The following ACTR6 variants were observed in gnomAD, a reference collection of about 807,000 sequenced individuals.
ACTR6 encodes actin related protein 6, also known as actin-related protein 6.
A neutral mutation model predicts 52.5 loss-of-function variants in ACTR6; 50 were observed. The ratio of observed to expected loss-of-function variants is 0.95; its 90% confidence interval spans 0.76 to 1.20. ACTR6 has a LOEUF of 1.20. ACTR6 is among the 50% of genes most tolerant of loss of function. The pLI is 0.00. For missense variants in ACTR6, 344 were observed against 472.4 expected (o/e 0.73, Z 2.52); for synonymous variants, 135 against 147.2 (o/e 0.92, Z 0.60).
intron 1 of ACTR6, chr12:100,204,310 A>G (rs1035706418): frequency 2.0e-5 from 3 of 152,266 alleles, no homozygotes; most frequent in Non-Finnish European, 4.4e-5. Context: ...AGATAGGAAT[A>G]TAGATGCTCA....
intron 1 of ACTR6, among the ~76,000 whole-genome samples, chr12:100,201,827 T>C (rs1400276990): frequency 6.6e-6 from 1 of 152,212 alleles, no homozygotes. Flanking sequence ...TTCATCATGT[T>C]GGCCAGGCCG....
In ACTR6 at chr12:100,224,097, G is replaced by C; in HGVS notation, c.*182G>C. On this transcript the variant is annotated 3_prime_UTR_variant, in exon 11 of 11. Transcript: ENST00000188312. Reference sequence around the variant, plus strand: ...GGTTACTACAGTAAACTGTAACTCAGTCCACATTTTCATTTAGGAGCTAGA... The same window carrying C: ...GGTTACTACAGTAAACTGTAACTCACTCCACATTTTCATTTAGGAGCTAGA... The C allele has an allele frequency of 2.0e-6, 1 of 509,874 alleles. No individual in the cohort carries two copies. Among genetic ancestry groups the C allele is most frequent in the African/African-American group, 2.0e-5 (1 of 49,510 alleles). The allele number at this position is 509,874 out of a possible 1,614,324, so 31.6% of individuals were successfully genotyped here.
At position 100,223,900 on chromosome 12, in the gene ACTR6, G is replaced by C. The variant is rs754353937; in HGVS notation, c.1176G>C (p.Glu392Asp). 1 of 1,603,694 alleles carries C rather than the reference G, an allele frequency of 6.2e-7. No homozygotes were observed. The highest frequency in any genetic ancestry group is 1.3e-5 in the African/African-American group (1 of 74,408). The change falls in exon 11 of 11, where the codon GAG becomes GAC. Residue 392 changes from glutamate (E) to aspartate (D), a missense_variant. Glu to Asp is a conservative substitution (Grantham distance 45). Coordinates refer to ENST00000188312, the MANE Select transcript of ACTR6 (RefSeq NM_022496.5). ...AAAATGGACATAGCGTCTGTGAAGA[G>C]AAATTTGATATTTAAGCAACATTTT... ...YEENGHSVCE[E>D]KFDI
intron 8 of ACTR6, among the ~76,000 whole-genome samples, chr12:100,213,496 C>T (rs17030050): frequency 0.043 from 6,614 of 152,270 alleles, 315 homozygotes; most frequent in African/African-American, 0.12. Context: ...AAAGAACTAT[C>T]AGCCAAAAGA....
intron 4 of ACTR6, chr12:100,208,680 C>G (rs1248090195): frequency 2.2e-6 from 1 of 455,296 alleles, no homozygotes; most frequent in Non-Finnish European, 4.4e-6. Context: ...CCACATATTT[C>G]TTATTTCTGA....
At chr12:100,212,621 C>A in intron 8 of ACTR6, 93 bp downstream of exon 8, 1 of 863,164 alleles carries the variant, frequency 1.2e-6, no homozygotes, top group Non-Finnish European at 1.9e-6. Context: ...AAGAGACTGG[C>A]CTGGGCAACA....
At chr12:100,214,004 C>T (rs1179871654) in intron 8 of ACTR6, among the ~76,000 whole-genome samples, 2 of 151,986 alleles carry the variant, frequency 1.3e-5, no homozygotes, top group East Asian at 1.9e-4. Flanking sequence ...TTGATATGTT[C>T]GTATAGTAAA....
chr12:100,211,098 C>T (rs1328403710), intron 6 of ACTR6, among the ~76,000 whole-genome samples: 1 of 152,154 alleles, frequency 6.6e-6, no homozygotes, highest in Non-Finnish European at 1.5e-5. Flanking sequence ...AAAAGATCTC[C>T]CATTTCAGCC....
intron 10 of ACTR6, among the ~76,000 whole-genome samples, chr12:100,222,257 GTT>G (rs35143045): frequency 9.7e-5 from 12 of 123,444 alleles, no homozygotes; most frequent in East Asian, 2.2e-4. Flanking sequence ...CTGGCTTTGG[GTT>G]TTTTTTTTTT....
intron 9 of ACTR6, 147 bp from the exon 10 acceptor site, chr12:100,219,860 GA>G: frequency 1.4e-6 from 1 of 707,608 alleles, no homozygotes; most frequent in East Asian, 2.7e-5. Flanking sequence ...ACAAATCTTA[GA>G]ATGGACCTGA....
intron 10 of ACTR6, among the ~76,000 whole-genome samples, chr12:100,220,423 C>T (rs144794521): frequency 5.0e-4 from 76 of 152,126 alleles, no homozygotes; most frequent in Admixed American, 1.2e-3. Context: ...AGCCTTGGTC[C>T]TAAGAGATTT....
chr12:100,209,930 G>A, intron 4 of ACTR6, 143 bp from the exon 5 acceptor site: 1 of 613,288 alleles, frequency 1.6e-6, no homozygotes, highest in Non-Finnish European at 2.7e-6. Flanking sequence ...TCTTTTGACA[G>A]TTATGAATAG....
At chr12:100,206,872 G>T (rs2096115277) in intron 3 of ACTR6, among the ~76,000 whole-genome samples, 2 of 149,856 alleles carry the variant, frequency 1.3e-5, no homozygotes, top group East Asian at 3.9e-4. Context: ...TAGAGATGGG[G>T]TTTCACCGTG....
intron 1 of ACTR6, among the ~76,000 whole-genome samples, chr12:100,204,644 C>T (rs1021126195): frequency 2.6e-5 from 4 of 152,108 alleles, no homozygotes; most frequent in African/African-American, 4.8e-5. Flanking sequence ...GGATTACAGG[C>T]GTGAGCCACC....
chr12:100,208,843 C>G, intron 4 of ACTR6: 1 of 446,124 alleles, frequency 2.2e-6, no homozygotes. Flanking sequence ...ACCTCCTGGG[C>G]TCAAGGGATC....
intron 1 of ACTR6, among the ~76,000 whole-genome samples, chr12:100,203,363 G>A (rs1452841783): frequency 3.9e-5 from 6 of 152,090 alleles, no homozygotes; most frequent in Admixed American, 3.9e-4. Flanking sequence ...GAGTGCAGTG[G>A]CACAATCTCT....
chr12:100,201,162 A>C (rs1190133540), intron 1 of ACTR6: 4 of 1,084,816 alleles, frequency 3.7e-6, no homozygotes. Flanking sequence ...AACAGGAAAT[A>C]GCCAAAGAAA....
At chr12:100,212,672 C>G in intron 8 of ACTR6, 144 bp downstream of exon 8, 2 of 598,684 alleles carry the variant, frequency 3.3e-6, no homozygotes, top group Non-Finnish European at 5.8e-6. Context: ...AAAAAAAAAT[C>G]AGTGATATTT....
chr12:100,205,114 T>C (rs1217988095), intron 2 of ACTR6, 57 bp downstream of exon 2: 6 of 1,157,722 alleles, frequency 5.2e-6, no homozygotes, highest in Non-Finnish European at 7.4e-6. Flanking sequence ...TTAAAGATAA[T>C]TTTAATTGTA....
Sources: gnomAD v4.1 joint callset for allele counts (sites outside exome capture counted in the v4.1 genomes callset) on GRCh38, gnomAD v4.1.1 for gene constraint, MANE v1.5 for transcripts, NCBI Gene and HGNC (gene_info 2026-07-23, HGNC 2026-07-21) for gene names.